The following NSMCE1 variants were observed in gnomAD, a reference collection of about 807,000 sequenced individuals.
The protein encoded by NSMCE1 is NSE1 component of SMC5/6 complex, also known as non-structural maintenance of chromosomes element 1 homolog.
Under a neutral mutation model 29.6 loss-of-function variants are expected in NSMCE1, and 18 were observed. The observed-to-expected ratio is 0.61, with a 90% confidence interval of 0.42 to 0.90. The LOEUF (loss-of-function observed/expected upper bound fraction) is 0.90. Ranked by LOEUF, NSMCE1 falls within the 40% of genes least tolerant of loss-of-function variation. The probability of loss-of-function intolerance (pLI) is 0.00; values close to 1 mark genes in which losing one functional copy is unlikely to be tolerated. For missense variants in NSMCE1, 314 were observed against 343.6 expected (o/e 0.91, Z 0.68); for synonymous variants, 124 against 133.4 (o/e 0.93, Z 0.49).
chr16:27,236,481 G>A (rs2140993031), intron 2 of NSMCE1, among the ~76,000 whole-genome samples: 1 of 152,024 alleles, frequency 6.6e-6, no homozygotes, highest in Middle Eastern at 3.4e-3. Flanking sequence ...ATTTTTAGTA[G>A]AGATGGGGTT....
At position 27,243,592 on chromosome 16, in the gene NSMCE1, C is replaced by T. The variant is rs118119491; in HGVS notation, c.137-8293G>A. Among the ~76,000 whole-genome samples, 52 of 152,310 alleles carry T rather than the reference C, an allele frequency of 3.4e-4. No individual in the cohort carries two copies. The East Asian group carries it at 0.01, about 29-fold the overall frequency. ...CAACCAGTCCAGAAGCCAAAACTAA[C>T]CCACAATCATGGCCCAAAAGGACCA... On this transcript the variant is annotated intron_variant, in intron 2 of 7. Transcript: ENST00000361439.
intron 2 of NSMCE1, among the ~76,000 whole-genome samples, chr16:27,251,192 ATATATATATATATAT>A (rs1567281304): frequency 4.1e-4 from 22 of 54,270 alleles, no homozygotes; most frequent in African/African-American, 2.5e-3. Context: ...ATATATATAA[ATATATATATATATAT>A]AAAACTCTGT....
chr16:27,244,620 C>T (rs2083933364), intron 2 of NSMCE1, among the ~76,000 whole-genome samples: 1 of 151,996 alleles, frequency 6.6e-6, no homozygotes, highest in Non-Finnish European at 1.5e-5. Context: ...CAGGGCTGCC[C>T]CTCATCACCC....
At chr16:27,265,555 C>A (rs1375094964) in intron 1 of NSMCE1, among the ~76,000 whole-genome samples, 1 of 152,156 alleles carries the variant, frequency 6.6e-6, no homozygotes, top group African/African-American at 2.4e-5. Flanking sequence ...TAGGTATATA[C>A]CTTACAGAAA....
intron 2 of NSMCE1, among the ~76,000 whole-genome samples, chr16:27,245,787 T>C (rs1174382031): frequency 1.3e-5 from 2 of 152,216 alleles, no homozygotes; most frequent in African/African-American, 4.8e-5. Flanking sequence ...CTTGATTAAC[T>C]GAAAGGCAGA....
intron 2 of NSMCE1, among the ~76,000 whole-genome samples, chr16:27,248,379 G>A (rs560044250): frequency 1.3e-5 from 2 of 148,960 alleles, no homozygotes; most frequent in South Asian, 4.3e-4. Context: ...TACACATGCA[G>A]TGGTAGCTCA....
chr16:27,230,563 A>ATT (rs2083752119), intron 5 of NSMCE1: 2 of 152,432 alleles, frequency 1.3e-5, no homozygotes, highest in Non-Finnish European at 2.9e-5. Context: ...AGATGAGGAA[A>ATT]CAGTCTCCGC....
chr16:27,251,398 T>C (rs1262874242), intron 2 of NSMCE1, among the ~76,000 whole-genome samples: 1 of 151,942 alleles, frequency 6.6e-6, no homozygotes, highest in Non-Finnish European at 1.5e-5. Context: ...TTTTTTAGCT[T>C]AATATGGTGA....
chr16:27,226,864 C>A (rs2083702824), intron 5 of NSMCE1, 28 bp from the exon 6 acceptor site: 1 of 1,429,034 alleles, frequency 7.0e-7, no homozygotes, highest in Non-Finnish European at 9.9e-7. Context: ...AGGTGGCCAC[C>A]CTCAGCCAGG....
chr16:27,233,247 G>T, intron 4 of NSMCE1, 100 bp from the exon 5 acceptor site: 1 of 965,212 alleles, frequency 1.0e-6, no homozygotes, highest in South Asian at 1.6e-5. Flanking sequence ...AAACCACTCA[G>T]ATCACAGGCA....
chr16:27,228,930 C>A (rs1047570296), intron 5 of NSMCE1, among the ~76,000 whole-genome samples: 1 of 151,870 alleles, frequency 6.6e-6, no homozygotes, highest in African/African-American at 2.4e-5. Context: ...TCCCCGGCCT[C>A]CACCCTCTTC....
intron 5 of NSMCE1, 38 bp from the exon 6 acceptor site, chr16:27,226,874 G>A: frequency 7.8e-7 from 1 of 1,289,634 alleles, no homozygotes; most frequent in Non-Finnish European, 1.1e-6. Flanking sequence ...CCTCAGCCAG[G>A]CCCTCTCCCC....
chr16:27,249,274 A>G (rs182847444), intron 2 of NSMCE1, among the ~76,000 whole-genome samples: 2 of 152,024 alleles, frequency 1.3e-5, no homozygotes, highest in South Asian at 4.2e-4. Flanking sequence ...TTTTAATGTA[A>G]ATTTTTAATT....
intron 2 of NSMCE1, among the ~76,000 whole-genome samples, chr16:27,250,108 T>C (rs936730997): frequency 1.3e-5 from 2 of 152,262 alleles, no homozygotes; most frequent in African/African-American, 4.8e-5. Context: ...ATATTGATTT[T>C]GTATCCTACA....
intron 5 of NSMCE1, among the ~76,000 whole-genome samples, chr16:27,230,375 C>G (rs1321327541): frequency 3.3e-5 from 5 of 152,164 alleles, no homozygotes; most frequent in African/African-American, 1.2e-4. Flanking sequence ...CATGTGGTCT[C>G]TCTGATCGAG....
chr16:27,257,319 C>T, intron 2 of NSMCE1, 116 bp downstream of exon 2: 1 of 795,740 alleles, frequency 1.3e-6, no homozygotes, highest in East Asian at 2.9e-5. Context: ...TGTGAAGAGG[C>T]TTGAATGCTC....
chr16:27,265,161 CTTTTT>C (rs5816427), intron 1 of NSMCE1, among the ~76,000 whole-genome samples: 7 of 82,672 alleles, frequency 8.5e-5, no homozygotes, highest in Non-Finnish European at 1.3e-4. Context: ...AATTCTTTTC[CTTTTT>C]TTTTTTTTTT....
chr16:27,244,711 C>A (rs1442989591), intron 2 of NSMCE1, among the ~76,000 whole-genome samples: 2 of 152,206 alleles, frequency 1.3e-5, no homozygotes, highest in African/African-American at 2.4e-5. Context: ...CCCGCTCTAC[C>A]GAGGGACTCA....
At chr16:27,225,974 T>G in intron 6 of NSMCE1, 128 bp from the exon 7 acceptor site, 1 of 1,115,344 alleles carries the variant, frequency 9.0e-7, no homozygotes. Context: ...CAGATTAATA[T>G]TGAAAATAAT....
Sources: gnomAD v4.1 joint callset for allele counts (sites outside exome capture counted in the v4.1 genomes callset) on GRCh38, gnomAD v4.1.1 for gene constraint, MANE v1.5 for transcripts, NCBI Gene and HGNC (gene_info 2026-07-23, HGNC 2026-07-21) for gene names.